MIPOL1: variants seen among roughly 807,000 people sequenced by gnomAD.
The protein encoded by MIPOL1 is mirror-image polydactyly gene 1 protein.
In MIPOL1, 57 loss-of-function variants were observed where a neutral mutation model predicts 60.9. That is an observed-to-expected ratio of 0.94 (90% CI 0.76 to 1.17). The LOEUF is 1.17. Ranked by LOEUF, MIPOL1 falls within the 50% of genes most tolerant of loss-of-function variation. The pLI, the probability that MIPOL1 is intolerant of heterozygous loss-of-function variation, is 0.00. For missense variants in MIPOL1, 551 were observed against 511.6 expected (o/e 1.08, Z -0.74); for synonymous variants, 179 against 168.8 (o/e 1.06, Z -0.47).
chr14:37,465,924 T>G (rs1198223623), intron 11 of MIPOL1, among the ~76,000 whole-genome samples: 1 of 152,160 alleles, frequency 6.6e-6, no homozygotes, highest in African/African-American at 2.4e-5. Context: ...AACTTAAATC[T>G]TAGGATATTT....
At position 37,213,513 on chromosome 14, in the gene MIPOL1, ACAGT is replaced by A. The variant is rs1214862882; in HGVS notation, c.-199+15413_-199+15416del. On this transcript the variant is annotated intron_variant, in intron 1 of 12. Coordinates refer to ENST00000684589, the MANE Select transcript of MIPOL1 (RefSeq NM_001388067.1). ...TTGAAGACAGGATATTTGAAAATACACAGTCAGAAAAGACAAAAGAAAAAAGAAT... is the reference window on the plus strand; with the variant it reads ...TTGAAGACAGGATATTTGAAAATACACAGAAAAGACAAAAGAAAAAAGAAT... Among the ~76,000 whole-genome samples the A allele has an allele frequency of 3.9e-5, 6 of 152,176 alleles. No homozygotes were observed. In the East Asian group the frequency reaches 1.2e-3, roughly 29 times the overall value.
chr14:37,257,545 C>A (rs950795165), intron 3 of MIPOL1, among the ~76,000 whole-genome samples: 3 of 152,048 alleles, frequency 2.0e-5, no homozygotes, highest in African/African-American at 4.8e-5. Context: ...CATTTTTTAT[C>A]TGCCAAAGGC....
chr14:37,270,426 C>T lies in MIPOL1; in HGVS notation c.394C>T (p.Gln132Ter). 1 of 1,554,218 alleles carries T rather than the reference C, an allele frequency of 6.4e-7. No homozygotes were observed. Among genetic ancestry groups the T allele is most frequent in the Non-Finnish European group, 8.7e-7 (1 of 1,143,814 alleles). ...TTTTTTCAATGTGCTTTAGCTTCAG[C>T]AGAAATTGGCTAAAGAAGATAAAGA... The part of the protein sequence containing the change: ...ILRTSNKKLQ[Q>*]KLAKEDKEQR... The change falls in exon 6 of 13, where the codon CAG becomes TAG. Residue 132 changes from glutamine to a stop codon, truncating the protein, a stop_gained. Coordinates refer to ENST00000684589, the MANE Select transcript of MIPOL1 (RefSeq NM_001388067.1). LOFTEE classifies it high-confidence loss of function.
chr14:37,470,723 G>C (rs918502189), intron 11 of MIPOL1, among the ~76,000 whole-genome samples: 22 of 152,042 alleles, frequency 1.4e-4, no homozygotes, highest in African/African-American at 4.6e-4. Context: ...GGAGAGAGTA[G>C]GTAGAATGAG....
intron 7 of MIPOL1, among the ~76,000 whole-genome samples, chr14:37,296,887 C>G (rs951143528): frequency 5.9e-5 from 9 of 152,150 alleles, no homozygotes; most frequent in African/African-American, 2.2e-4. Flanking sequence ...CAAGGAGGAA[C>G]TGGTACCATT....
chr14:37,337,356 A>ATTTTTT lies in MIPOL1; in HGVS notation c.828+28862_828+28867dup, dbSNP rs33972471. ...TATATATATATATATATATATATATATTTTTTTTTTTTTTTTTTTTTTTTT... is the reference window on the plus strand; with the variant it reads ...TATATATATATATATATATATATATATTTTTTTTTTTTTTTTTTTTTTTTTTTTTTT... On this transcript the variant is annotated intron_variant, in intron 9 of 12. Coordinates refer to ENST00000684589, the MANE Select transcript of MIPOL1 (RefSeq NM_001388067.1). Among the ~76,000 whole-genome samples, 5 of 30,056 alleles carry ATTTTTT rather than the reference A, an allele frequency of 1.7e-4. 2 individuals carry two copies. Among genetic ancestry groups the ATTTTTT allele is most frequent in the African/African-American group, 9.4e-4 (5 of 5,294 alleles). 19.7% of individuals were successfully genotyped at this position (30,056 alleles called of 152,430 possible).
At chr14:37,239,337 G>T (rs182443168) in intron 1 of MIPOL1, among the ~76,000 whole-genome samples, 10 of 152,132 alleles carry the variant, frequency 6.6e-5, no homozygotes, top group African/African-American at 2.4e-4. Flanking sequence ...GAGCCACCGC[G>T]CCTGGCCTGC....
intron 10 of MIPOL1, among the ~76,000 whole-genome samples, chr14:37,405,824 A>T (rs917405724): frequency 7.3e-5 from 11 of 151,452 alleles, no homozygotes; most frequent in Admixed American, 3.9e-4. Context: ...CATGCCAAAA[A>T]TTTTGCTAAT....
At chr14:37,511,824 A>G (rs2095329954) in intron 12 of MIPOL1, among the ~76,000 whole-genome samples, 1 of 152,194 alleles carries the variant, frequency 6.6e-6, no homozygotes, top group Admixed American at 6.5e-5. Context: ...CCAGATTTAC[A>G]GTGATATGAT....
chr14:37,230,086 G>T (rs551860265), intron 1 of MIPOL1, among the ~76,000 whole-genome samples: 1 of 152,232 alleles, frequency 6.6e-6, no homozygotes, highest in East Asian at 1.9e-4. Flanking sequence ...CCACAAAAAA[G>T]ACATGTGAGA....
chr14:37,536,640 C>T (rs1414513581), intron 12 of MIPOL1, among the ~76,000 whole-genome samples: 3 of 152,092 alleles, frequency 2.0e-5, no homozygotes, highest in African/African-American at 7.2e-5. Flanking sequence ...TTTTCTCGCT[C>T]TCTCTAGAAT....
chr14:37,238,997 A>G (rs549493862), intron 1 of MIPOL1, among the ~76,000 whole-genome samples: 1 of 151,908 alleles, frequency 6.6e-6, no homozygotes, highest in East Asian at 1.9e-4. Flanking sequence ...GAAAAATGAA[A>G]AGTCATCAGT....
chr14:37,367,863 G>A (rs1267971114), intron 9 of MIPOL1, among the ~76,000 whole-genome samples: 1 of 151,950 alleles, frequency 6.6e-6, no homozygotes, highest in Non-Finnish European at 1.5e-5. Context: ...ATTTTCTCGG[G>A]TCATAATTTG....
rs1045606634 is a variant in MIPOL1, at chr14:37,296,268, A to C, written c.623+10821A>C. The stretch of plus-strand genomic sequence containing the variant: ...TCTTTGAAACCAACGAGAACAAAGA[A>C]ACAACATACCAGAATCTCTGGGACA... On this transcript the variant is annotated intron_variant, in intron 7 of 12. Coordinates refer to ENST00000684589, the MANE Select transcript of MIPOL1 (RefSeq NM_001388067.1). Among the ~76,000 whole-genome samples, 947 of 152,216 alleles carry C rather than the reference A, an allele frequency of 6.2e-3. 7 individuals carry two copies. Among genetic ancestry groups the C allele is most frequent in the African/African-American group, 0.02 (819 of 41,552 alleles).
chr14:37,307,625 T>G (rs567176400), intron 7 of MIPOL1, among the ~76,000 whole-genome samples: 1 of 152,134 alleles, frequency 6.6e-6, no homozygotes, highest in East Asian at 1.9e-4. Flanking sequence ...TGTCATTGCT[T>G]TTAAGGGAAC....
chr14:37,483,912 A>T (rs1292414479), intron 11 of MIPOL1, among the ~76,000 whole-genome samples: 2 of 152,196 alleles, frequency 1.3e-5, no homozygotes, highest in African/African-American at 4.8e-5. Flanking sequence ...CTGACTTCAC[A>T]GGTGTGAGCC....
intron 9 of MIPOL1, among the ~76,000 whole-genome samples, chr14:37,351,807 T>G (rs2091412598): frequency 7.1e-6 from 1 of 140,930 alleles, no homozygotes; most frequent in Admixed American, 7.3e-5. Flanking sequence ...TTGTGGATAT[T>G]AGCCCTTTGT....
At chr14:37,535,564 A>T (rs909033588) in intron 12 of MIPOL1, among the ~76,000 whole-genome samples, 3 of 152,206 alleles carry the variant, frequency 2.0e-5, no homozygotes, top group Non-Finnish European at 1.5e-5. Context: ...AAAACCTTTC[A>T]GCCACTTGAA....
intron 9 of MIPOL1, among the ~76,000 whole-genome samples, chr14:37,332,967 A>T (rs770111235): frequency 1.3e-5 from 2 of 152,176 alleles, no homozygotes; most frequent in Non-Finnish European, 2.9e-5. Context: ...TTAAGGAGAT[A>T]CTTGCAATAC....
Sources: gnomAD v4.1 joint callset for allele counts (sites outside exome capture counted in the v4.1 genomes callset) on GRCh38, gnomAD v4.1.1 for gene constraint, MANE v1.5 for transcripts, NCBI Gene and HGNC (gene_info 2026-07-23, HGNC 2026-07-21) for gene names.